RBFOX3: variants seen among roughly 807,000 people sequenced by gnomAD.
RBFOX3 encodes the protein RNA binding protein fox-1 homolog 3.
A neutral mutation model predicts 48.7 loss-of-function variants in RBFOX3; 17 were observed. That is an observed-to-expected ratio of 0.35 (90% CI 0.24 to 0.52). The LOEUF (loss-of-function observed/expected upper bound fraction) is 0.52, where lower values mean the gene tolerates loss of function less well. RBFOX3 is among the 20% of genes least tolerant of loss of function. The pLI is 0.94. For synonymous variants in RBFOX3, 212 were observed against 209.5 expected, an observed-to-expected ratio of 1.01 and a Z score of -0.10; for missense variants, 382 against 497.5, an observed-to-expected ratio of 0.77 and a Z score of 2.21.
chr17:79,204,260 TACACACCAGTGGACGCCGGGGAGCGGAC>T lies in RBFOX3; in HGVS notation c.-34+31478_-34+31505del, dbSNP rs1280393256. On this transcript the variant is annotated intron_variant, in intron 4 of 14. Coordinates refer to ENST00000693108, the MANE Select transcript of RBFOX3 (RefSeq NM_001350451.2). The surrounding 1 kb of genome is among the most constrained non-coding windows in gnomAD (Gnocchi z 4.5). Reference sequence around the variant, plus strand: ...CCAAAAAGCTCCAAGACCCAGTGGATACACACCAGTGGACGCCGGGGAGCGGACACACACCAGCGGGCGCCGGGGAGCG... The same window carrying T: ...CCAAAAAGCTCCAAGACCCAGTGGATACACACCAGCGGGCGCCGGGGAGCG... Among the ~76,000 whole-genome samples the T allele has an allele frequency of 3.3e-5, 5 of 151,876 alleles. No homozygotes were observed. The highest frequency in any genetic ancestry group is 5.9e-5 in the Non-Finnish European group (4 of 67,994).
rs946699300 is a variant in RBFOX3 at position 79,362,189 on chromosome 17, T to C, written c.-174-54365A>G. ...GAGCCAACAGAGTTTGCCTCCTGCC[T>C]CACACCGGGGTCTTTCAGCCTGAGG... On this transcript the variant is annotated intron_variant, in intron 2 of 14. Coordinates refer to ENST00000693108, the MANE Select transcript of RBFOX3 (RefSeq NM_001350451.2). The surrounding 1 kb of genome is among the most constrained non-coding windows in gnomAD (Gnocchi z 4.2). Among the ~76,000 whole-genome samples, 11 of 152,226 alleles carry C rather than the reference T, an allele frequency of 7.2e-5. No individual in the cohort carries two copies. The highest frequency in any genetic ancestry group is 6.5e-4 in the Admixed American group (10 of 15,290).
chr17:79,317,879 T>C (rs1357671420), intron 2 of RBFOX3, among the ~76,000 whole-genome samples: 1 of 152,244 alleles, frequency 6.6e-6, no homozygotes, highest in Non-Finnish European at 1.5e-5. Context: ...TTGTTCTTTA[T>C]GTGAGCAGGA....
chr17:79,572,237 G>A (rs1393411260), intron 1 of RBFOX3, among the ~76,000 whole-genome samples: 1 of 152,166 alleles, frequency 6.6e-6, no homozygotes, highest in Non-Finnish European at 1.5e-5. Context: ...TCCATTTGGT[G>A]CTCAGACCAG....
chr17:79,477,299 G>A lies in RBFOX3; in HGVS notation c.-175+5155C>T, dbSNP rs1598864389. 1.4e-5 allele frequency among the ~76,000 whole-genome samples: 2 copies of A among 146,590 alleles called. No homozygotes were observed. Among genetic ancestry groups the A allele is most frequent in the African/African-American group, 5.0e-5 (2 of 39,780 alleles). Reference sequence around the variant, plus strand: ...AAAGAGGGCGCGGTGGCTCACACCTGTAATCCCAGCACTTTGGGAGGCCAA... The same window carrying A: ...AAAGAGGGCGCGGTGGCTCACACCTATAATCCCAGCACTTTGGGAGGCCAA... On this transcript the variant is annotated intron_variant, in intron 2 of 14. Coordinates refer to ENST00000693108, the MANE Select transcript of RBFOX3 (RefSeq NM_001350451.2). This position sits in a 1 kb window ranked among gnomAD's most constrained non-coding sequence, Gnocchi z 4.8.
intron 2 of RBFOX3, among the ~76,000 whole-genome samples, chr17:79,382,261 G>T (rs2060018092): frequency 6.6e-6 from 1 of 152,184 alleles, no homozygotes; most frequent in African/African-American, 2.4e-5. Flanking sequence ...GCTGTCCATG[G>T]AAACCAGTTG....
At chr17:79,225,296 T>TTTC (rs1555616435) in intron 4 of RBFOX3, among the ~76,000 whole-genome samples, 1 of 149,806 alleles carries the variant, frequency 6.7e-6, no homozygotes, top group Non-Finnish European at 1.5e-5. Context: ...CCATTCTTTT[T>TTTC]TTTTTTTTTT....
At chr17:79,139,364 G>A (rs566654659) in intron 4 of RBFOX3, among the ~76,000 whole-genome samples, 2 of 152,318 alleles carry the variant, frequency 1.3e-5, no homozygotes, top group South Asian at 2.1e-4. Context: ...AGGTCCACCT[G>A]TCATCCAGAT....
intron 12 of RBFOX3, among the ~76,000 whole-genome samples, chr17:79,095,825 G>C (rs1006254167): frequency 9.2e-5 from 14 of 152,204 alleles, no homozygotes; most frequent in Admixed American, 3.3e-4. Flanking sequence ...AGGTCTGCCT[G>C]TCCACTCCAT....
At chr17:79,550,748 G>A (rs2091060666) in intron 1 of RBFOX3, among the ~76,000 whole-genome samples, 1 of 152,192 alleles carries the variant, frequency 6.6e-6, no homozygotes, top group African/African-American at 2.4e-5. Flanking sequence ...TGGATAAGCG[G>A]ATAGGTGGCT....
chr17:79,205,408 T>G lies in RBFOX3; in HGVS notation c.-34+30358A>C, dbSNP rs1265811333. Among the ~76,000 whole-genome samples the G allele has an allele frequency of 6.6e-6, 1 of 152,130 alleles. No individual in the cohort carries two copies. Among genetic ancestry groups the G allele is most frequent in the Non-Finnish European group, 1.5e-5 (1 of 68,026 alleles). On this transcript the variant is annotated intron_variant, in intron 4 of 14. Transcript: ENST00000693108. This position sits in a 1 kb window ranked among gnomAD's most constrained non-coding sequence, Gnocchi z 4.5. ...TGTGGTTTGTTCTCTGGTCTCTGAGTCTGCATTTGGATGGCTACACTTAGC... is the reference window on the plus strand; with the variant it reads ...TGTGGTTTGTTCTCTGGTCTCTGAGGCTGCATTTGGATGGCTACACTTAGC...
At chr17:79,316,739 T>C (rs2077592199) in intron 2 of RBFOX3, among the ~76,000 whole-genome samples, 1 of 152,262 alleles carries the variant, frequency 6.6e-6, no homozygotes, top group African/African-American at 2.4e-5. Flanking sequence ...CCCCTGGATA[T>C]GCAGTTAAAT....
chr17:79,111,992 T>C lies in RBFOX3; in HGVS notation c.222+3502A>G, dbSNP rs2031810981. Among the ~76,000 whole-genome samples, 1 of 152,236 alleles carries C rather than the reference T, an allele frequency of 6.6e-6. No individual in the cohort carries two copies. Among genetic ancestry groups the C allele is most frequent in the African/African-American group, 2.4e-5 (1 of 41,462 alleles). On this transcript the variant is annotated intron_variant, in intron 5 of 14. Coordinates refer to ENST00000693108, the MANE Select transcript of RBFOX3 (RefSeq NM_001350451.2). The surrounding 1 kb of genome is among the most constrained non-coding windows in gnomAD (Gnocchi z 4.2). ...TGAGCGGTGAGAGAAACGGAGCCTA[T>C]GTGCAGGTGTGCGTGCCCCTTGTGG...
intron 9 of RBFOX3, among the ~76,000 whole-genome samples, chr17:79,100,737 G>A (rs548869943): frequency 7.9e-5 from 12 of 152,308 alleles, no homozygotes; most frequent in African/African-American, 2.9e-4. Flanking sequence ...GGCCCCCAAC[G>A]TACGCCTGCT....
At chr17:79,239,356 C>T (rs892011344) in intron 3 of RBFOX3, among the ~76,000 whole-genome samples, 1 of 152,230 alleles carries the variant, frequency 6.6e-6, no homozygotes, top group African/African-American at 2.4e-5. Context: ...TTAGCAAACA[C>T]TGCTCTCAGC....
chr17:79,344,384 C>T (rs926831898), intron 2 of RBFOX3, among the ~76,000 whole-genome samples: 5 of 152,014 alleles, frequency 3.3e-5, no homozygotes, highest in South Asian at 4.2e-4. Context: ...AAACAACCTC[C>T]GGCGATTCTA....
At chr17:79,545,358 A>G (rs2090280407) in intron 1 of RBFOX3, among the ~76,000 whole-genome samples, 1 of 152,174 alleles carries the variant, frequency 6.6e-6, no homozygotes, top group African/African-American at 2.4e-5. Flanking sequence ...GATTAGCCTG[A>G]TTGGAAGGCT....
rs2071630239 is a variant in RBFOX3, at chr17:79,443,654, A to T, written c.-175+38800T>A. On this transcript the variant is annotated intron_variant, in intron 2 of 14. Coordinates refer to ENST00000693108, the MANE Select transcript of RBFOX3 (RefSeq NM_001350451.2). This position sits in a 1 kb window ranked among gnomAD's most constrained non-coding sequence, Gnocchi z 4.4. ...CGCCTCGGCCTCCCAAAGTGCTGGG[A>T]TTACAGGCATGAGCCACCGCACCCT... Among the ~76,000 whole-genome samples the T allele has an allele frequency of 6.6e-6, 1 of 152,202 alleles. No individual in the cohort carries two copies. The highest frequency in any genetic ancestry group is 2.4e-5 in the African/African-American group (1 of 41,440).
intron 2 of RBFOX3, among the ~76,000 whole-genome samples, chr17:79,330,196 A>G (rs1020142598): frequency 1.1e-4 from 17 of 152,226 alleles, no homozygotes; most frequent in African/African-American, 3.9e-4. Flanking sequence ...TGTGGGACAC[A>G]GCAATGTCTT....
At chr17:79,366,291 T>C (rs1488870512) in intron 2 of RBFOX3, among the ~76,000 whole-genome samples, 1 of 152,248 alleles carries the variant, frequency 6.6e-6, no homozygotes, top group East Asian at 1.9e-4. Flanking sequence ...GGCTGCTTTC[T>C]GTATAAAGAA....
Sources: gnomAD v4.1 joint callset for allele counts (sites outside exome capture counted in the v4.1 genomes callset) on GRCh38, gnomAD v4.1.1 for gene constraint, Gnocchi (gnomAD v3.1) non-coding constraint, MANE v1.5 for transcripts, NCBI Gene and HGNC (gene_info 2026-07-23, HGNC 2026-07-21) for gene names.